The following MCC variants were observed in gnomAD, a reference collection of about 807,000 sequenced individuals.
The protein encoded by MCC is MCC regulator of Wnt signaling pathway.
Under a neutral mutation model 116.2 loss-of-function variants are expected in MCC, and 90 were observed. That is an observed-to-expected ratio of 0.77 (90% CI 0.65 to 0.92). MCC has a LOEUF of 0.92. Among genes scored for constraint, MCC ranks in the 40% least tolerant of loss-of-function variants. The pLI, the probability that MCC is intolerant of heterozygous loss-of-function variation, is 0.00. For missense variants in MCC, 1,516 were observed against 1,312.2 expected (o/e 1.16, Z -2.40); for synonymous variants, 578 against 510.5 (o/e 1.13, Z -1.78).
chr5:113,199,208 G>T (rs541071897), intron 3 of MCC, among the ~76,000 whole-genome samples: 1 of 151,654 alleles, frequency 6.6e-6, no homozygotes, highest in East Asian at 1.9e-4. Context: ...ATCAATAGAA[G>T]AGCATCCTGC....
At chr5:113,380,609 A>C (rs1484774721) in intron 2 of MCC, among the ~76,000 whole-genome samples, 1 of 152,236 alleles carries the variant, frequency 6.6e-6, no homozygotes, top group Non-Finnish European at 1.5e-5. Context: ...AATCAACGTC[A>C]TTAGTAATCC....
intron 17 of MCC, among the ~76,000 whole-genome samples, chr5:113,039,327 G>C (rs1439322325): frequency 3.3e-5 from 5 of 152,210 alleles, no homozygotes; most frequent in African/African-American, 7.2e-5. Flanking sequence ...GGAACTCCAG[G>C]TGTATGCAAC....
chr5:113,484,965 C>T (rs1452944325), intron 1 of MCC, among the ~76,000 whole-genome samples: 1 of 152,154 alleles, frequency 6.6e-6, no homozygotes, highest in South Asian at 2.1e-4. Flanking sequence ...CCAAATCCAG[C>T]GGGGTCCCAG....
chr5:113,054,674 T>C (rs1752695860), intron 14 of MCC, among the ~76,000 whole-genome samples: 1 of 152,218 alleles, frequency 6.6e-6, no homozygotes, highest in African/African-American at 2.4e-5. Context: ...GGGTACCCCC[T>C]GGCCTTCACA....
chr5:113,442,252 GTGA>G (rs762042095), intron 1 of MCC, among the ~76,000 whole-genome samples: 1 of 152,204 alleles, frequency 6.6e-6, no homozygotes, highest in Non-Finnish European at 1.5e-5. Flanking sequence ...CTAGTGACCA[GTGA>G]TGATGAGCAT....
At position 113,023,667 on chromosome 5, in the gene MCC, A is replaced by T. The variant is rs138680856; in HGVS notation, c.*3635T>A. ...TAAATAGTTTAATAGAATGATTGGG[A>T]CATACTCCCAATTAAGAATTTGCAA... is the stretch of plus-strand genomic sequence containing the variant. On this transcript the variant is annotated 3_prime_UTR_variant, in exon 19 of 19. Transcript: ENST00000408903. The T allele has an allele frequency of 6.6e-6, 1 of 152,254 alleles. No individual in the cohort carries two copies. Among genetic ancestry groups the T allele is most frequent in the African/African-American group, 2.4e-5 (1 of 41,582 alleles). The allele number at this position is 152,254 out of a possible 1,614,324, so 9.4% of individuals were successfully genotyped here. A position where few individuals can be genotyped will look rare whatever the true frequency, so the allele number is the denominator to read the frequency against.
At chr5:113,478,461 C>T (rs1039830253) in intron 1 of MCC, among the ~76,000 whole-genome samples, 2 of 152,122 alleles carry the variant, frequency 1.3e-5, no homozygotes, top group Non-Finnish European at 2.9e-5. Context: ...GAGGAAAATG[C>T]AGGAAGACTT....
chr5:113,375,453 C>T (rs1768958771), intron 2 of MCC, among the ~76,000 whole-genome samples: 1 of 152,114 alleles, frequency 6.6e-6, no homozygotes, highest in Admixed American at 6.5e-5. Context: ...CATAAAAAAC[C>T]ACCACAAAAC....
chr5:113,270,021 A>G (rs1389937652), intron 3 of MCC, among the ~76,000 whole-genome samples: 2 of 152,240 alleles, frequency 1.3e-5, no homozygotes, highest in African/African-American at 4.8e-5. Flanking sequence ...AAAATGTTTC[A>G]GGGAAAGAGG....
At chr5:113,452,347 T>C (rs1203794963) in intron 1 of MCC, among the ~76,000 whole-genome samples, 1 of 152,204 alleles carries the variant, frequency 6.6e-6, no homozygotes, top group Non-Finnish European at 1.5e-5. Context: ...AATTCATATG[T>C]TAAAACTTAA....
At chr5:113,445,915 G>C (rs1469541350) in intron 1 of MCC, among the ~76,000 whole-genome samples, 1 of 152,060 alleles carries the variant, frequency 6.6e-6, no homozygotes, top group Non-Finnish European at 1.5e-5. Context: ...AAGACCAATA[G>C]AACAAAATAC....
rs1554087731 is a variant in MCC, at chr5:113,488,342, T to TGCTGCCGCTGCC, written c.61_72dup (p.Gly21_Ser24dup). ...CTGGACGTGTCGCTGCTGCTGCTGCTGCTGCCGCTGCCGCCGCCGCCGCCG... is the reference window on the plus strand; with the variant it reads ...CTGGACGTGTCGCTGCTGCTGCTGCTGCTGCCGCTGCCGCTGCCGCTGCCGCCGCCGCCGCCG... On this transcript the variant is annotated inframe_insertion, in exon 1 of 19. Transcript: ENST00000408903. 7.8e-6 allele frequency: 12 copies of TGCTGCCGCTGCC among 1,531,202 alleles called. No homozygotes were observed. Among genetic ancestry groups the TGCTGCCGCTGCC allele is most frequent in the African/African-American group, 1.4e-5 (1 of 69,832 alleles). 94.9% of individuals were successfully genotyped at this position (1,531,202 alleles called of 1,614,324 possible).
At chr5:113,314,218 T>C (rs1295977567) in intron 3 of MCC, among the ~76,000 whole-genome samples, 3 of 152,216 alleles carry the variant, frequency 2.0e-5, no homozygotes, top group Non-Finnish European at 4.4e-5. Context: ...TAGAGTATAA[T>C]TTAAAAATCA....
At chr5:113,045,339 G>T (rs1194179322) in intron 16 of MCC, among the ~76,000 whole-genome samples, 1 of 146,420 alleles carries the variant, frequency 6.8e-6, no homozygotes, top group African/African-American at 2.4e-5. Flanking sequence ...ACCCAGTGGA[G>T]CAAGAAAAAA....
intron 14 of MCC, among the ~76,000 whole-genome samples, chr5:113,054,849 C>T (rs951269251): frequency 6.6e-6 from 1 of 152,204 alleles, no homozygotes; most frequent in African/African-American, 2.4e-5. Flanking sequence ...AGGGGGAGCA[C>T]CACTGGAAAA....
intron 1 of MCC, among the ~76,000 whole-genome samples, chr5:113,449,140 A>C (rs1771309627): frequency 6.6e-6 from 1 of 152,322 alleles, no homozygotes; most frequent in South Asian, 2.1e-4. Context: ...CGAACTAATC[A>C]ATTATGCAAA....
At chr5:113,454,347 C>T (rs1771482173) in intron 1 of MCC, among the ~76,000 whole-genome samples, 1 of 152,118 alleles carries the variant, frequency 6.6e-6, no homozygotes, top group Admixed American at 6.6e-5. Context: ...TCAAGTGATC[C>T]TCCCGCCTTG....
At chr5:113,361,428 T>C (rs1353166247) in intron 2 of MCC, among the ~76,000 whole-genome samples, 3 of 152,338 alleles carry the variant, frequency 2.0e-5, no homozygotes, top group African/African-American at 7.2e-5. Flanking sequence ...TTCTAATATA[T>C]GCATAAAAGC....
intron 3 of MCC, among the ~76,000 whole-genome samples, chr5:113,176,183 A>C (rs1047468449): frequency 2.6e-5 from 4 of 152,194 alleles, no homozygotes; most frequent in African/African-American, 9.7e-5. Flanking sequence ...AATAGCTCCT[A>C]AATGCCCATT....
Sources: allele counts gnomAD v4.1 joint callset (sites outside exome capture counted in the v4.1 genomes callset), GRCh38; gene constraint gnomAD v4.1.1; transcripts MANE v1.5; gene names NCBI Gene and HGNC (gene_info 2026-07-23, HGNC 2026-07-21).